ULK4: variants seen among roughly 807,000 people sequenced by gnomAD.
The protein encoded by ULK4 is inactive serine/threonine-protein kinase ULK4.
ULK4 carries 133 observed loss-of-function variants against 160.6 expected under a neutral mutation model. That is an observed-to-expected ratio of 0.83 (90% CI 0.72 to 0.96). The LOEUF is 0.96. Among genes scored for constraint, ULK4 ranks in the 40% least tolerant of loss-of-function variants. ULK4 has a pLI of 0.00. For synonymous variants in ULK4, 534 were observed against 539.8 expected (o/e 0.99, Z 0.15); for missense variants, 1,580 against 1,499.5 (o/e 1.05, Z -0.89).
intron 35 of ULK4, among the ~76,000 whole-genome samples, chr3:41,360,746 A>C (rs549901782): frequency 6.6e-6 from 1 of 152,290 alleles, no homozygotes; most frequent in African/African-American, 2.4e-5. Flanking sequence ...AAGGGGAACA[A>C]CACACATTGG....
At chr3:41,794,403 C>T (rs575523542) in intron 20 of ULK4, among the ~76,000 whole-genome samples, 43 of 152,196 alleles carry the variant, frequency 2.8e-4, no homozygotes, top group African/African-American at 8.4e-4. Context: ...CTGTGGCTCA[C>T]GCCTGTAATC....
At chr3:41,828,631 C>G (rs2041456961) in intron 18 of ULK4, among the ~76,000 whole-genome samples, 2 of 148,040 alleles carry the variant, frequency 1.4e-5, no homozygotes, top group Non-Finnish European at 3.0e-5. Context: ...AACCAATGCT[C>G]AATGAAATTA....
chr3:41,574,806 A>G (rs763635808), intron 31 of ULK4, among the ~76,000 whole-genome samples: 2 of 152,048 alleles, frequency 1.3e-5, no homozygotes, highest in Non-Finnish European at 2.9e-5. Flanking sequence ...TTGGCCTCCC[A>G]AAGTGCTGGG....
Position 41,955,972 on chromosome 3 carries a change from G to A in ULK4, c.-48-1165C>T, listed in dbSNP as rs977115910. ...TAATATATGTGAGGCAGGAGAACAG[G>A]GTCTGGAGGCAGGGAACCTAAGGCT... On this transcript the variant is annotated intron_variant, in intron 1 of 36. Coordinates refer to ENST00000301831, the MANE Select transcript of ULK4 (RefSeq NM_017886.4). 7.2e-5 allele frequency among the ~76,000 whole-genome samples: 11 copies of A among 152,232 alleles called. No homozygotes were observed. The South Asian group carries it at 2.3e-3, about 32-fold the overall frequency.
chr3:41,508,540 T>C (rs1248014453), intron 32 of ULK4, among the ~76,000 whole-genome samples: 1 of 151,980 alleles, frequency 6.6e-6, no homozygotes, highest in Non-Finnish European at 1.5e-5. Flanking sequence ...AACAAAAATA[T>C]AACCAAGGAC....
chr3:41,640,910 T>G (rs2034159160), intron 30 of ULK4, among the ~76,000 whole-genome samples: 1 of 152,206 alleles, frequency 6.6e-6, no homozygotes, highest in African/African-American at 2.4e-5. Flanking sequence ...CCCTGGAAAC[T>G]CTCAGAGCTT....
At chr3:41,293,895 G>T (rs1205048597) in intron 35 of ULK4, among the ~76,000 whole-genome samples, 1 of 152,206 alleles carries the variant, frequency 6.6e-6, no homozygotes, top group African/African-American at 2.4e-5. Flanking sequence ...TGTCTTGAAG[G>T]ATTAGAGGCA....
At chr3:41,900,584 G>C in intron 13 of ULK4, 141 bp downstream of exon 13, 1 of 666,188 alleles carries the variant, frequency 1.5e-6, no homozygotes, top group Non-Finnish European at 2.5e-6. Context: ...TGCAAATGCA[G>C]ACATGCAGCA....
intron 17 of ULK4, chr3:41,882,052 G>C (rs1277203776): frequency 1.3e-5 from 8 of 608,084 alleles, no homozygotes; most frequent in African/African-American, 3.7e-5. Flanking sequence ...GTGACCAACA[G>C]GTCCCAGGTT....
chr3:41,787,762 C>T (rs532877579), intron 21 of ULK4, among the ~76,000 whole-genome samples: 1 of 152,084 alleles, frequency 6.6e-6, no homozygotes, highest in South Asian at 2.1e-4. Flanking sequence ...TTTAATGTAC[C>T]AATACTAATC....
chr3:41,517,973 A>T (rs56141402), intron 32 of ULK4, among the ~76,000 whole-genome samples: 8,473 of 152,318 alleles, frequency 0.056, 302 homozygotes, highest in Non-Finnish European at 0.085. Context: ...CTCAAAAAAG[A>T]TTTGTTGAAT....
At chr3:41,633,950 T>C (rs563118863) in intron 30 of ULK4, among the ~76,000 whole-genome samples, 9 of 152,274 alleles carry the variant, frequency 5.9e-5, no homozygotes, top group Middle Eastern at 6.8e-3. Flanking sequence ...TTGATCCTTA[T>C]TGTGAGGTAG....
intron 35 of ULK4, among the ~76,000 whole-genome samples, chr3:41,315,807 C>A (rs1389349079): frequency 6.6e-6 from 1 of 152,186 alleles, no homozygotes; most frequent in Non-Finnish European, 1.5e-5. Context: ...CATTAGCCAT[C>A]AGGACAATGC....
chr3:41,927,017 C>T (rs1237039477), intron 5 of ULK4, among the ~76,000 whole-genome samples: 5 of 152,030 alleles, frequency 3.3e-5, no homozygotes, highest in Admixed American at 6.5e-5. Context: ...ATATACTCCT[C>T]GAGAAGAGGA....
At position 41,916,284 on chromosome 3, in the gene ULK4, G is replaced by A. The variant is rs569351234; in HGVS notation, c.728-232C>T. On this transcript the variant is annotated intron_variant, in intron 7 of 36. Transcript: ENST00000301831. ...TTTTCCTAGATCACAAAAAAGAAAT[G>A]TAAATCTCAAAAACTAAGTCTTAAC... 2.0e-5 allele frequency among the ~76,000 whole-genome samples: 3 copies of A among 152,274 alleles called. No individual in the cohort carries two copies. The East Asian group carries it at 5.8e-4, about 29-fold the overall frequency.
intron 35 of ULK4, among the ~76,000 whole-genome samples, chr3:41,279,628 AGCCAGAAGAGAATGGGG>A (rs1336937939): frequency 6.6e-6 from 1 of 152,240 alleles, no homozygotes; most frequent in African/African-American, 2.4e-5. Context: ...AAACCCTACA[AGCCAGAAGAGAATGGGG>A]GCCAATATTC....
At chr3:41,956,339 C>T (rs1412153033) in intron 1 of ULK4, among the ~76,000 whole-genome samples, 1 of 152,136 alleles carries the variant, frequency 6.6e-6, no homozygotes, top group Non-Finnish European at 1.5e-5. Context: ...GTATTTGGAC[C>T]GGGTATCTGT....
chr3:41,258,520 T>C (rs2078881151), intron 35 of ULK4: 1 of 152,208 alleles, frequency 6.6e-6, no homozygotes, highest in Non-Finnish European at 1.5e-5. Context: ...GTTAACATTT[T>C]CATTACTGGC....
chr3:41,446,013 C>A (rs1405206845), intron 34 of ULK4, among the ~76,000 whole-genome samples: 1 of 151,810 alleles, frequency 6.6e-6, no homozygotes, highest in African/African-American at 2.4e-5. Context: ...ACAATGAACT[C>A]AAACAAATTT....
Sources: allele counts gnomAD v4.1 joint callset (sites outside exome capture counted in the v4.1 genomes callset), GRCh38; gene constraint gnomAD v4.1.1; transcripts MANE v1.5; gene names NCBI Gene and HGNC (gene_info 2026-07-23, HGNC 2026-07-21).